Variants in MACROD2 observed in about 807,000 individuals in gnomAD.
The protein encoded by MACROD2 is mono-ADP ribosylhydrolase 2.
Under a neutral mutation model 70.4 loss-of-function variants are expected in MACROD2, and 36 were observed. The ratio of observed to expected loss-of-function variants is 0.51; its 90% confidence interval spans 0.39 to 0.68. The LOEUF is 0.68. MACROD2 is among the 30% of genes least tolerant of loss of function. MACROD2 has a pLI of 0.00. For missense variants in MACROD2, 496 were observed against 538.4 expected (o/e 0.92, Z 0.78); for synonymous variants, 172 against 178.8 (o/e 0.96, Z 0.30).
At chr20:15,606,467 G>A (rs2048894663) in intron 8 of MACROD2, among the ~76,000 whole-genome samples, 1 of 151,986 alleles carries the variant, frequency 6.6e-6, no homozygotes, top group Non-Finnish European at 1.5e-5. Flanking sequence ...TGTGGGTCTG[G>A]GCTTGTTACT....
chr20:15,633,035 C>T (rs984329650), intron 8 of MACROD2, among the ~76,000 whole-genome samples: 2 of 152,040 alleles, frequency 1.3e-5, no homozygotes, highest in Non-Finnish European at 2.9e-5. Flanking sequence ...ACAACTTTGC[C>T]TTTCATTGTT....
In MACROD2 at chr20:15,738,287, A is replaced by G. The variant is rs536717757; in HGVS notation, c.646-124458A>G. On this transcript the variant is annotated intron_variant, in intron 8 of 17. Transcript: ENST00000684519. ...TATTACGCATTGCATGCCTGTATCA[A>G]AATATTACATATACCCCGTAAATAA... 7.2e-5 allele frequency among the ~76,000 whole-genome samples: 11 copies of G among 152,374 alleles called. No individual in the cohort carries two copies. The Middle Eastern group carries it at 0.01, about 141-fold the overall frequency.
chr20:16,001,036 C>G (rs2066701878), intron 15 of MACROD2, among the ~76,000 whole-genome samples: 1 of 152,206 alleles, frequency 6.6e-6, no homozygotes, highest in Non-Finnish European at 1.5e-5. Context: ...CACTTCACAT[C>G]AGGTGCAAGA....
Position 14,049,789 on chromosome 20 carries a change from A to T in MACROD2, c.164-35832A>T, listed in dbSNP as rs146318064. Among the ~76,000 whole-genome samples, 469 of 150,406 alleles carry T rather than the reference A, an allele frequency of 3.1e-3. 1 individual carries two copies. Among genetic ancestry groups the T allele is most frequent in the South Asian group, 0.011 (50 of 4,720 alleles). ...ACAAAACAACTAAACTAAACAAACA[A>T]AAAACAAAAACAAGGCTGGTGCGGT... On this transcript the variant is annotated intron_variant, in intron 2 of 17. Transcript: ENST00000684519.
At chr20:14,681,188 A>C (rs528516056) in intron 4 of MACROD2, among the ~76,000 whole-genome samples, 2 of 152,322 alleles carry the variant, frequency 1.3e-5, no homozygotes, top group South Asian at 4.1e-4. Context: ...GTAACATGGT[A>C]ATCACTGGGG....
chr20:14,902,969 C>A (rs6079601), intron 5 of MACROD2, among the ~76,000 whole-genome samples: 1 of 151,428 alleles, frequency 6.6e-6, no homozygotes, highest in African/African-American at 2.4e-5. Flanking sequence ...GCTCTTCTGT[C>A]AGCAAAACCC....
chr20:15,029,127 A>T (rs1464206314), intron 5 of MACROD2, among the ~76,000 whole-genome samples: 2 of 152,170 alleles, frequency 1.3e-5, no homozygotes, highest in Non-Finnish European at 2.9e-5. Context: ...GGGAGATTTT[A>T]GTGCCAGAAT....
chr20:14,953,354 T>G (rs1287486348), intron 5 of MACROD2, among the ~76,000 whole-genome samples: 1 of 152,164 alleles, frequency 6.6e-6, no homozygotes, highest in East Asian at 1.9e-4. Flanking sequence ...TCGCCCAGGT[T>G]GGAGTGCAGT....
intron 5 of MACROD2, among the ~76,000 whole-genome samples, chr20:15,117,138 C>G (rs1054223718): frequency 6.6e-6 from 1 of 152,004 alleles, no homozygotes; most frequent in South Asian, 2.1e-4. Context: ...AAGTTGGGAA[C>G]AAGTTTGAGG....
chr20:16,001,978 C>T lies in MACROD2; in HGVS notation c.1153+14820C>T, dbSNP rs1033061133. On this transcript the variant is annotated intron_variant, in intron 15 of 17. Coordinates refer to ENST00000684519, the MANE Select transcript of MACROD2 (RefSeq NM_001351661.2). Reference sequence around the variant, plus strand: ...CAATGAGAAACTAAAACTTGCGTAACATCTAGTAATTAGATAGGATAAATA... The same window carrying T: ...CAATGAGAAACTAAAACTTGCGTAATATCTAGTAATTAGATAGGATAAATA... Among the ~76,000 whole-genome samples, 6 of 151,502 alleles carry T rather than the reference C, an allele frequency of 4.0e-5. No individual in the cohort carries two copies. In the South Asian group the frequency reaches 1.2e-3, roughly 32 times the overall value.
At chr20:14,347,189 G>A (rs940809545) in intron 3 of MACROD2, among the ~76,000 whole-genome samples, 1 of 152,148 alleles carries the variant, frequency 6.6e-6, no homozygotes, top group African/African-American at 2.4e-5. Context: ...GTTAATTTGA[G>A]GTGAAAAGTG....
At chr20:15,944,344 T>G (rs958253116) in intron 12 of MACROD2, among the ~76,000 whole-genome samples, 1 of 152,154 alleles carries the variant, frequency 6.6e-6, no homozygotes, top group African/African-American at 2.4e-5. Context: ...TGCCCAGAAA[T>G]AAGCATATGT....
At chr20:14,994,686 C>G (rs1055595736) in intron 5 of MACROD2, among the ~76,000 whole-genome samples, 2 of 152,128 alleles carry the variant, frequency 1.3e-5, no homozygotes, top group African/African-American at 4.8e-5. Flanking sequence ...ACCAGCACAC[C>G]AATATCTCTC....
intron 3 of MACROD2, among the ~76,000 whole-genome samples, chr20:14,367,406 A>G (rs909880002): frequency 1.3e-5 from 2 of 152,212 alleles, no homozygotes; most frequent in African/African-American, 4.8e-5. Flanking sequence ...GCTGCCTAGT[A>G]TCCTTTTTGT....
Position 14,620,911 on chromosome 20 carries a change from A to T in MACROD2, c.302-63932A>T, listed in dbSNP as rs991266959. Among the ~76,000 whole-genome samples, 8 of 152,214 alleles carry T rather than the reference A, an allele frequency of 5.3e-5. No individual in the cohort carries two copies. In the East Asian group the frequency reaches 7.7e-4, roughly 15 times the overall value. On this transcript the variant is annotated intron_variant, in intron 4 of 17. Coordinates refer to ENST00000684519, the MANE Select transcript of MACROD2 (RefSeq NM_001351661.2). ...AGCTTTGTTTTATAGAAATCAATGA[A>T]GAAAGGAGGGTATTATTGGCAAGTG...
intron 2 of MACROD2, among the ~76,000 whole-genome samples, chr20:14,032,672 G>C (rs2053259488): frequency 6.6e-6 from 1 of 151,896 alleles, no homozygotes; most frequent in South Asian, 2.1e-4. Context: ...TTTTAAGTTT[G>C]TTGTTGAGCA....
At chr20:14,020,855 TC>T (rs2148624027) in intron 2 of MACROD2, among the ~76,000 whole-genome samples, 3 of 152,332 alleles carry the variant, frequency 2.0e-5, no homozygotes, top group Non-Finnish European at 4.4e-5. Context: ...GATGGGTTAC[TC>T]TTTCATCTCT....
chr20:14,971,618 G>T (rs2074692317), intron 5 of MACROD2, among the ~76,000 whole-genome samples: 1 of 151,868 alleles, frequency 6.6e-6, no homozygotes, highest in African/African-American at 2.4e-5. Context: ...TCTCACTTGG[G>T]GTCCCTCATG....
intron 5 of MACROD2, among the ~76,000 whole-genome samples, chr20:15,100,621 A>T (rs995102665): frequency 2.0e-5 from 3 of 152,166 alleles, no homozygotes; most frequent in African/African-American, 7.2e-5. Context: ...AGTTCATTTG[A>T]AGGAGAAGAC....
Sources: allele counts gnomAD v4.1 joint callset (sites outside exome capture counted in the v4.1 genomes callset), GRCh38; gene constraint gnomAD v4.1.1; transcripts MANE v1.5; gene names NCBI Gene and HGNC (gene_info 2026-07-23, HGNC 2026-07-21).